RTF1: variants seen among roughly 807,000 people sequenced by gnomAD.
RTF1 encodes RTF1 homolog, Paf1/RNA polymerase II complex component.
In RTF1, 10 loss-of-function variants were observed where a neutral mutation model predicts 95.7. The observed-to-expected ratio is 0.10, with a 90% CI of 0.06 to 0.18. The LOEUF is 0.18. Among genes scored for constraint, RTF1 ranks in the 10% least tolerant of loss-of-function variants. The pLI, the probability that RTF1 is intolerant of heterozygous loss-of-function variation, is 1.00. For missense variants in RTF1, 458 were observed against 875.6 expected (o/e 0.52, Z 6.02); for synonymous variants, 305 against 311.8 (o/e 0.98, Z 0.23).
At chr15:41,473,703 T>C (rs750940353) in intron 8 of RTF1, among the ~76,000 whole-genome samples, 22 of 151,972 alleles carry the variant, frequency 1.4e-4, no homozygotes, top group African/African-American at 4.6e-4. Flanking sequence ...GCTAGGACTG[T>C]AGGTGCACAC....
At chr15:41,474,276 A>G (rs772118617) in intron 8 of RTF1, among the ~76,000 whole-genome samples, 3 of 152,230 alleles carry the variant, frequency 2.0e-5, no homozygotes, top group Non-Finnish European at 4.4e-5. Context: ...ATGCTTGGCA[A>G]CAGAAACTGA....
intron 3 of RTF1, among the ~76,000 whole-genome samples, chr15:41,454,350 C>T (rs2050802510): frequency 6.6e-6 from 1 of 152,082 alleles, no homozygotes; most frequent in African/African-American, 2.4e-5. Context: ...CTTGTCCTCC[C>T]AGAGTGCTGG....
rs186332345 is a variant in RTF1 at position 41,457,958 on chromosome 15, A to G, written c.662+82A>G. On this transcript the variant is annotated intron_variant, in intron 4 of 17. Coordinates refer to ENST00000389629, the MANE Select transcript of RTF1 (RefSeq NM_015138.5). ...TTTCTCATACTTCCCTGTCCTTCAC[A>G]CCTGACCTACACATGGAGACTGGCA... The G allele has an allele frequency of 2.6e-4, 267 of 1,041,574 alleles. 1 individual carries two copies. The African/African-American group carries it at 3.1e-3, about 12-fold the overall frequency. 64.5% of individuals were successfully genotyped at this position (1,041,574 alleles called of 1,614,324 possible). A position where few individuals can be genotyped will look rare whatever the true frequency, so the allele number is the denominator to read the frequency against.
intron 3 of RTF1, among the ~76,000 whole-genome samples, chr15:41,456,665 T>G (rs2050819085): frequency 6.7e-6 from 1 of 150,176 alleles, no homozygotes; most frequent in Admixed American, 6.6e-5. Flanking sequence ...AGTGTAGTGG[T>G]GAGCGCCTGA....
chr15:41,455,037 C>T (rs539149808), intron 3 of RTF1, among the ~76,000 whole-genome samples: 6 of 151,942 alleles, frequency 3.9e-5, no homozygotes, highest in Non-Finnish European at 5.9e-5. Context: ...GTATGCCAGC[C>T]GGGCATGGTG....
At chr15:41,468,176 GA>G (rs935130524) in intron 6 of RTF1, among the ~76,000 whole-genome samples, 3 of 151,528 alleles carry the variant, frequency 2.0e-5, no homozygotes, top group Non-Finnish European at 2.9e-5. Context: ...CAAAAAAAAA[GA>G]AAAAGAAATA....
chr15:41,464,941 T>A, intron 5 of RTF1, 56 bp downstream of exon 5: 5 of 1,416,806 alleles, frequency 3.5e-6, no homozygotes, highest in Non-Finnish European at 3.7e-6. Flanking sequence ...TGAGTGTGTG[T>A]GTGTGTGTGT....
intron 4 of RTF1, among the ~76,000 whole-genome samples, chr15:41,463,885 CT>C (rs1172859773): frequency 6.6e-6 from 1 of 152,176 alleles, no homozygotes; most frequent in Non-Finnish European, 1.5e-5. Flanking sequence ...CGGAGTCTCA[CT>C]CTGTCGCCAG....
chr15:41,448,208 C>T (rs1033203308), intron 2 of RTF1, among the ~76,000 whole-genome samples: 9 of 151,958 alleles, frequency 5.9e-5, no homozygotes, highest in Admixed American at 5.9e-4. Context: ...AGTAAATGAT[C>T]TATTCTTGAG....
rs2050981035 is a variant in RTF1 at position 41,482,291 on chromosome 15, A to C, written c.*1604A>C. On this transcript the variant is annotated 3_prime_UTR_variant, in exon 18 of 18. Coordinates refer to ENST00000389629, the MANE Select transcript of RTF1 (RefSeq NM_015138.5). ...TGTAAATAAAAGTGGCATTTAACAA[A>C]TCTTTCAGAACAAAGTACAGCTGAC... 1.3e-5 allele frequency: 2 copies of C among 152,764 alleles called. No individual in the cohort carries two copies. Among genetic ancestry groups the C allele is most frequent in the South Asian group, 4.1e-4 (2 of 4,826 alleles). The allele number at this position is 152,764 out of a possible 1,614,324, so 9.5% of individuals were successfully genotyped here. A position where few individuals can be genotyped will look rare whatever the true frequency, so the allele number is the denominator to read the frequency against.
At chr15:41,461,036 A>T (rs1358393991) in intron 4 of RTF1, among the ~76,000 whole-genome samples, 1 of 143,110 alleles carries the variant, frequency 7.0e-6, no homozygotes, top group African/African-American at 2.6e-5. Context: ...CCACTATGTC[A>T]AGCTAATTTT....
Position 41,471,220 on chromosome 15 carries a change from A to G in RTF1, c.1074A>G (p.Glu358=), listed in dbSNP as rs751733173. ...CCCAACCAGTTTCCTTACCTGAAGA[A>G]TTGAATCGGGTTCGATTATCACGGC... ...PKSQPVSLPE[E]LNRVRLSRHK... The change falls in exon 8 of 18, where the codon GAA becomes GAG. Residue 358 remains glutamate (E), a synonymous_variant. Transcript: ENST00000389629. The G allele has an allele frequency of 2.5e-6, 4 of 1,613,660 alleles. No individual in the cohort carries two copies. The Admixed American group carries it at 5.0e-5, about 20-fold the overall frequency.
chr15:41,463,369 CTCTT>C (rs1026623891), intron 4 of RTF1, among the ~76,000 whole-genome samples: 18 of 152,166 alleles, frequency 1.2e-4, no homozygotes, highest in South Asian at 2.1e-4. Flanking sequence ...GGTACGGTAA[CTCTT>C]TCTAACTTTT....
intron 16 of RTF1, among the ~76,000 whole-genome samples, chr15:41,479,967 G>A (rs911373256): frequency 2.2e-4 from 33 of 151,862 alleles, no homozygotes; most frequent in African/African-American, 7.0e-4. Context: ...GAAGTGACCC[G>A]TTGCTTAAGC....
At position 41,449,568 on chromosome 15, in the gene RTF1, C is replaced by T. The variant is rs2050780391; in HGVS notation, c.310-3333C>T. 2.0e-5 allele frequency among the ~76,000 whole-genome samples: 3 copies of T among 151,980 alleles called. No homozygotes were observed. The South Asian group carries it at 6.2e-4, about 32-fold the overall frequency. On this transcript the variant is annotated intron_variant, in intron 2 of 17. Coordinates refer to ENST00000389629, the MANE Select transcript of RTF1 (RefSeq NM_015138.5). ...ATGTTTCACAGGGTGGTCTCCAACT[C>T]CTGTGTTCAAGTGATCCTCCCACTA... is the stretch of plus-strand genomic sequence containing the variant.
At chr15:41,445,723 C>T (rs1298618867) in intron 2 of RTF1, among the ~76,000 whole-genome samples, 1 of 151,342 alleles carries the variant, frequency 6.6e-6, no homozygotes, top group Non-Finnish European at 1.5e-5. Flanking sequence ...TACTCTTCAA[C>T]TCCTGACCCC....
chr15:41,422,081 C>T (rs1184788398), intron 1 of RTF1, among the ~76,000 whole-genome samples: 3 of 152,110 alleles, frequency 2.0e-5, no homozygotes, highest in Non-Finnish European at 4.4e-5. Context: ...ATCGCCCAGA[C>T]TGGAGTACAA....
intron 8 of RTF1, 121 bp downstream of exon 8, chr15:41,471,470 C>T: frequency 9.7e-7 from 1 of 1,027,228 alleles, no homozygotes; most frequent in Non-Finnish European, 1.4e-6. Flanking sequence ...AAGTAGACTC[C>T]AAGTGGGATC....
At chr15:41,474,452 A>T (rs531769133) in intron 8 of RTF1, 168 bp from the exon 9 acceptor site, 6 of 607,132 alleles carry the variant, frequency 9.9e-6, no homozygotes, top group African/African-American at 9.2e-5. Context: ...GTGCTTGGCC[A>T]TCTGGATTCT....
Sources: allele counts gnomAD v4.1 joint callset (sites outside exome capture counted in the v4.1 genomes callset), GRCh38; gene constraint gnomAD v4.1.1; transcripts MANE v1.5; gene names NCBI Gene and HGNC (gene_info 2026-07-23, HGNC 2026-07-21).